Variants in RNF130 observed in about 807,000 individuals in gnomAD.
RNF130 encodes the protein E3 ubiquitin-protein ligase RNF130.
Under a neutral mutation model 44.6 loss-of-function variants are expected in RNF130, and 21 were observed. The observed-to-expected ratio is 0.47, with a 90% confidence interval of 0.33 to 0.68. RNF130 has a LOEUF of 0.68. Among genes scored for constraint, RNF130 ranks in the 30% least tolerant of loss-of-function variants. RNF130 has a pLI of 0.02. For missense variants in RNF130, 479 were observed against 560.6 expected, an observed-to-expected ratio of 0.85 and a Z score of 1.47; for synonymous variants, 214 against 210.4, an observed-to-expected ratio of 1.02 and a Z score of -0.15.
intron 6 of RNF130, among the ~76,000 whole-genome samples, 185 bp downstream of exon 6, chr5:179,970,225 T>C (rs1460529531): frequency 2.6e-5 from 4 of 152,208 alleles, no homozygotes; most frequent in Non-Finnish European, 5.9e-5. Flanking sequence ...TTCTCTGAGA[T>C]GGATTAGACT....
chr5:179,912,219 T>C (rs1414186473), exon 8 of RNF130: 1 of 152,202 alleles, frequency 6.6e-6, no homozygotes, highest in Admixed American at 6.5e-5. Context: ...AACTTTAATA[T>C]TTTATGAGTA....
intron 3 of RNF130, among the ~76,000 whole-genome samples, chr5:179,995,079 G>T (rs546216168): frequency 1.3e-5 from 2 of 152,190 alleles, no homozygotes. Flanking sequence ...TCTAGGGACA[G>T]TTGCCAAACC....
chr5:180,057,484 G>A (rs1319347863), intron 1 of RNF130, among the ~76,000 whole-genome samples: 1 of 152,086 alleles, frequency 6.6e-6, no homozygotes, highest in Admixed American at 6.5e-5. Flanking sequence ...GGAGGTGGAG[G>A]CTGCATTGAG....
chr5:179,915,439 T>TC (rs1761530622), exon 8 of RNF130: 1 of 152,730 alleles, frequency 6.5e-6, no homozygotes, highest in African/African-American at 2.4e-5. Context: ...GGGCACCAGG[T>TC]TCGCACCTCC....
intron 7 of RNF130, among the ~76,000 whole-genome samples, chr5:179,945,998 A>G (rs1438430798): frequency 2.6e-5 from 4 of 152,192 alleles, no homozygotes; most frequent in Non-Finnish European, 5.9e-5. Context: ...TGAGTGACAG[A>G]AGCATATGAC....
At chr5:180,025,241 T>G (rs1763959251) in intron 2 of RNF130, among the ~76,000 whole-genome samples, 1 of 152,206 alleles carries the variant, frequency 6.6e-6, no homozygotes, top group Non-Finnish European at 1.5e-5. Context: ...TGAACTTCTA[T>G]CAGTTAAGAA....
chr5:180,017,299 T>C (rs1355844909), intron 2 of RNF130, among the ~76,000 whole-genome samples: 1 of 152,224 alleles, frequency 6.6e-6, no homozygotes, highest in Non-Finnish European at 1.5e-5. Flanking sequence ...CTTCAGGAAG[T>C]GCAGGCCGGG....
At chr5:179,964,836 G>A (rs575123906) in intron 7 of RNF130, among the ~76,000 whole-genome samples, 1 of 152,066 alleles carries the variant, frequency 6.6e-6, no homozygotes, top group Non-Finnish European at 1.5e-5. Flanking sequence ...GTGCAGCCAC[G>A]GCCTCTCAAA....
chr5:180,051,316 C>T (rs1318567341), intron 1 of RNF130, among the ~76,000 whole-genome samples: 1 of 151,672 alleles, frequency 6.6e-6, no homozygotes, highest in Non-Finnish European at 1.5e-5. Context: ...GTGGTGCGAT[C>T]TCGGCTCACT....
At chr5:179,993,480 A>C (rs1400453023) in intron 3 of RNF130, among the ~76,000 whole-genome samples, 1 of 152,170 alleles carries the variant, frequency 6.6e-6, no homozygotes, top group Non-Finnish European at 1.5e-5. Context: ...GCCAGTGATG[A>C]TGAGCATTTT....
intron 3 of RNF130, among the ~76,000 whole-genome samples, chr5:179,998,859 T>TATATATATACA (rs1554103680): frequency 1.1e-5 from 1 of 88,750 alleles, no homozygotes; most frequent in Non-Finnish European, 2.3e-5. Flanking sequence ...CTAGTATTTT[T>TATATATATACA]TATATATATA....
chr5:180,057,042 C>A (rs1170642686), intron 1 of RNF130, among the ~76,000 whole-genome samples: 1 of 152,214 alleles, frequency 6.6e-6, no homozygotes, highest in Non-Finnish European at 1.5e-5. Context: ...GTGAGAGGAG[C>A]ATGTTTTCTT....
intron 1 of RNF130, among the ~76,000 whole-genome samples, chr5:180,064,546 T>A (rs1210443970): frequency 5.9e-5 from 9 of 152,238 alleles, no homozygotes; most frequent in Non-Finnish European, 1.2e-4. Context: ...TGTGCAGATA[T>A]ATGATGTCAC....
intron 2 of RNF130, among the ~76,000 whole-genome samples, chr5:180,035,284 C>T (rs896871406): frequency 2.0e-5 from 3 of 152,110 alleles, no homozygotes; most frequent in Non-Finnish European, 4.4e-5. Context: ...TTATTGGACC[C>T]GTGTGTTATT....
chr5:179,996,575 G>A (rs1271486421), intron 3 of RNF130, among the ~76,000 whole-genome samples: 2 of 152,178 alleles, frequency 1.3e-5, no homozygotes, highest in African/African-American at 2.4e-5. Flanking sequence ...ATTACCACAT[G>A]GTTTTTGTTC....
chr5:179,934,314 AATC>A, intron 7 of RNF130: 1 of 155,234 alleles, frequency 6.4e-6, no homozygotes, highest in Admixed American at 6.4e-5. Flanking sequence ...TCATCTTGCA[AATC>A]TGAAACTCTA....
chr5:179,971,063 A>C, intron 5 of RNF130, among the ~76,000 whole-genome samples: 1 of 152,238 alleles, frequency 6.6e-6, no homozygotes, highest in East Asian at 1.9e-4. Context: ...AGTAACACTC[A>C]GCAATTTTCA....
intron 1 of RNF130, among the ~76,000 whole-genome samples, chr5:180,062,726 T>C (rs1324783608): frequency 6.6e-6 from 1 of 152,204 alleles, no homozygotes; most frequent in African/African-American, 2.4e-5. Flanking sequence ...GAGATGAATG[T>C]GGTAGACTTC....
At chr5:179,957,515 G>A (rs1762236816) in intron 8 of RNF130, among the ~76,000 whole-genome samples, 1 of 152,176 alleles carries the variant, frequency 6.6e-6, no homozygotes, top group African/African-American at 2.4e-5. Context: ...TGCATTTTTA[G>A]GAAACCAAAT....
Sources: gnomAD v4.1 joint callset for allele counts (sites outside exome capture counted in the v4.1 genomes callset) on GRCh38, gnomAD v4.1.1 for gene constraint, MANE v1.5 for transcripts, NCBI Gene and HGNC (gene_info 2026-07-23, HGNC 2026-07-21) for gene names.